The following UHRF1 variants were observed in gnomAD, a reference collection of about 807,000 sequenced individuals.
The protein encoded by UHRF1 is ubiquitin like with PHD and ring finger domains 1, also known as E3 ubiquitin-protein ligase UHRF1.
In UHRF1, 9 loss-of-function variants were observed where a neutral mutation model predicts 96.5. The observed-to-expected ratio is 0.09, with a 90% CI of 0.06 to 0.16. The LOEUF is 0.16. UHRF1 is among the 10% of genes least tolerant of loss of function. The pLI, the probability that UHRF1 is intolerant of heterozygous loss-of-function variation, is 1.00. For synonymous variants in UHRF1, 455 were observed against 469.9 expected, an observed-to-expected ratio of 0.97 and a Z score of 0.41; for missense variants, 626 against 1,131.1, an observed-to-expected ratio of 0.55 and a Z score of 6.40.
intron 2 of UHRF1, among the ~76,000 whole-genome samples, chr19:4,918,154 C>G (rs1490376933): frequency 6.6e-6 from 1 of 151,984 alleles, no homozygotes; most frequent in Admixed American, 6.6e-5. Context: ...GAGTCTCACT[C>G]TGTTGCCCAA....
rs764076877 is a variant in UHRF1, at chr19:4,930,829, C to G, written c.522C>G (p.Ser174=). Residue 174 remains serine (S), a synonymous_variant, in exon 4 of 17, where the codon TCC becomes TCG. Transcript: ENST00000650932. The surrounding 1 kb of genome is among the most constrained non-coding windows in gnomAD (Gnocchi z 4.4). The part of the protein sequence containing the change: ...PSRDEPCSST[S]RPALEEDVIY... ...GGGACGAGCCCTGCAGCTCCACGTC[C>G]AGGCCGGCGCTGGAGGAGGACGTCA... The G allele has an allele frequency of 1.5e-5, 24 of 1,613,864 alleles. No homozygotes were observed. The highest frequency in any genetic ancestry group is 2.5e-6 in the Non-Finnish European group (3 of 1,179,886).
chr19:4,925,962 A>G (rs367922729), intron 2 of UHRF1, among the ~76,000 whole-genome samples: 4 of 151,676 alleles, frequency 2.6e-5, no homozygotes, highest in East Asian at 1.9e-4. Context: ...CAGTGGTGCA[A>G]TCTCGGCTCA....
At chr19:4,919,739 A>T (rs1243459180) in intron 2 of UHRF1, among the ~76,000 whole-genome samples, 1 of 152,162 alleles carries the variant, frequency 6.6e-6, no homozygotes, top group Non-Finnish European at 1.5e-5. Flanking sequence ...GGGACATTCA[A>T]CTTCACTAGG....
intron 2 of UHRF1, among the ~76,000 whole-genome samples, chr19:4,915,805 T>G (rs2032477028): frequency 6.6e-6 from 1 of 152,246 alleles, no homozygotes; most frequent in African/African-American, 2.4e-5. Context: ...TTGCATACTT[T>G]AATCCAGCCT....
At chr19:4,907,982 G>A (rs1040439468), upstream of UHRF1, among the ~76,000 whole-genome samples, 1 of 152,112 alleles carries the variant, frequency 6.6e-6, no homozygotes. Context: ...AAAGTGCTGG[G>A]ATTACAGGTG....
At chr19:4,952,399 T>C (rs950339231) in intron 13 of UHRF1, among the ~76,000 whole-genome samples, 6 of 145,300 alleles carry the variant, frequency 4.1e-5, no homozygotes, top group Admixed American at 6.8e-5. Context: ...CAGCCTTTTT[T>C]TTTTTTTTTT....
intron 13 of UHRF1, among the ~76,000 whole-genome samples, chr19:4,951,722 C>T (rs999154646): frequency 1.4e-5 from 2 of 139,492 alleles, no homozygotes; most frequent in Non-Finnish European, 3.1e-5. Flanking sequence ...AAAGCAGAAA[C>T]AAACCAACCA....
rs2307204 is a variant in UHRF1, at chr19:4,954,298, A to T, written c.1819-52A>T. 6.3e-7 allele frequency: 1 copy of T among 1,592,982 alleles called. No individual in the cohort carries two copies. Among genetic ancestry groups the T allele is most frequent in the Non-Finnish European group, 8.5e-7 (1 of 1,171,028 alleles). On this transcript the variant is annotated intron_variant, in intron 13 of 16. Transcript: ENST00000650932. This position sits in a 1 kb window ranked among gnomAD's most constrained non-coding sequence, Gnocchi z 5.9. ...AGGAGGCTGGAAGAGCGGGCTCTGC[A>T]TAGCGTGTGGGCCCCAAGCCTGACT...
chr19:4,911,131 C>A (rs538354170), intron 2 of UHRF1, 93 bp downstream of exon 2: 6 of 1,263,658 alleles, frequency 4.7e-6, no homozygotes, highest in South Asian at 1.6e-5. Context: ...CCACCTCCCC[C>A]CCCAACAACC....
intron 11 of UHRF1, among the ~76,000 whole-genome samples, chr19:4,949,502 A>T (rs866085606): frequency 3.4e-5 from 5 of 148,150 alleles, no homozygotes; most frequent in African/African-American, 9.7e-5. Context: ...ACACACACAC[A>T]CACTCTCACA....
upstream of UHRF1, among the ~76,000 whole-genome samples, chr19:4,907,196 G>A (rs562114963): frequency 2.0e-5 from 3 of 152,250 alleles, no homozygotes; most frequent in African/African-American, 4.8e-5. Flanking sequence ...TGCAACCTCC[G>A]TCTCCTGGGT....
intron 2 of UHRF1, among the ~76,000 whole-genome samples, chr19:4,920,060 G>A (rs1161860400): frequency 2.0e-5 from 3 of 152,014 alleles, no homozygotes; most frequent in Admixed American, 6.6e-5. Flanking sequence ...CAGCTGATCC[G>A]TCCGCCTTGG....
At chr19:4,911,186 A>G (rs1275205640) in intron 2 of UHRF1, 148 bp downstream of exon 2, 1 of 749,476 alleles carries the variant, frequency 1.3e-6, no homozygotes, top group Non-Finnish European at 2.0e-6. Flanking sequence ...AAGTCCACAG[A>G]AACCTCAAAT....
At chr19:4,914,486 G>T (rs144504105) in intron 2 of UHRF1, among the ~76,000 whole-genome samples, 1 of 152,202 alleles carries the variant, frequency 6.6e-6, no homozygotes, top group Non-Finnish European at 1.5e-5. Flanking sequence ...ACAGAGTTGG[G>T]TCTGTCTCGG....
intron 11 of UHRF1, 37 bp downstream of exon 11, chr19:4,947,248 C>T (rs770688615): frequency 1.9e-6 from 3 of 1,562,086 alleles, no homozygotes; most frequent in Non-Finnish European, 2.6e-6. Context: ...CTTGCTGATG[C>T]ATATCTGCCG....
At chr19:4,918,370 C>T (rs1474258137) in intron 2 of UHRF1, among the ~76,000 whole-genome samples, 3 of 151,930 alleles carry the variant, frequency 2.0e-5, no homozygotes, top group Non-Finnish European at 4.4e-5. Context: ...GATCCACCCA[C>T]CTTGGCCTCC....
intron 2 of UHRF1, among the ~76,000 whole-genome samples, chr19:4,923,198 G>T (rs2032757529): frequency 6.6e-6 from 1 of 152,136 alleles, no homozygotes; most frequent in African/African-American, 2.4e-5. Flanking sequence ...TCCCCTCCTC[G>T]GTCTGTCTCC....
At chr19:4,960,546 C>A in intron 16 of UHRF1, 111 bp from the exon 17 acceptor site, 1 of 1,457,130 alleles carries the variant, frequency 6.9e-7, no homozygotes, top group South Asian at 1.2e-5. Flanking sequence ...GACTGAAGGT[C>A]AGAGGGGCCT....
intron 5 of UHRF1, among the ~76,000 whole-genome samples, chr19:4,939,800 G>A (rs926524098): frequency 9.2e-5 from 14 of 152,108 alleles, no homozygotes; most frequent in South Asian, 2.1e-4. Context: ...CGAGGTGGGC[G>A]GATCACAAGG....
Sources: allele counts gnomAD v4.1 joint callset (sites outside exome capture counted in the v4.1 genomes callset), GRCh38; gene constraint gnomAD v4.1.1; non-coding constraint Gnocchi (gnomAD v3.1); transcripts MANE v1.5; gene names NCBI Gene and HGNC (gene_info 2026-07-23, HGNC 2026-07-21).